Variants in PDE1C observed in about 807,000 individuals in gnomAD.
PDE1C encodes the protein phosphodiesterase 1C.
In PDE1C, 62 loss-of-function variants were observed where a neutral mutation model predicts 93.1. The ratio of observed to expected loss-of-function variants is 0.67; its 90% confidence interval spans 0.54 to 0.82. The LOEUF is 0.82. PDE1C is among the 40% of genes least tolerant of loss of function. PDE1C has a pLI of 0.00. For synonymous variants in PDE1C, 325 were observed against 310.1 expected (o/e 1.05, Z -0.50); for missense variants, 742 against 884.6 (o/e 0.84, Z 2.04).
At chr7:32,222,600 G>A (rs1029947638) in intron 1 of PDE1C, among the ~76,000 whole-genome samples, 1 of 152,176 alleles carries the variant, frequency 6.6e-6, no homozygotes, top group African/African-American at 2.4e-5. Context: ...CAATTTGGGG[G>A]TTACAAACTG....
intron 2 of PDE1C, among the ~76,000 whole-genome samples, chr7:31,890,188 C>G (rs6955375): frequency 0.052 from 7,865 of 152,178 alleles, 330 homozygotes; most frequent in African/African-American, 0.12. Context: ...CCAGGCCATG[C>G]TGGGGACTGG....
At chr7:32,276,382 A>G (rs1319894439) in intron 1 of PDE1C, among the ~76,000 whole-genome samples, 1 of 152,236 alleles carries the variant, frequency 6.6e-6, no homozygotes, top group African/African-American at 2.4e-5. Flanking sequence ...CAAGGAAGAA[A>G]AAAACGTTTA....
the PDE1C span, chr7:31,651,307 C>T: frequency 1.2e-6 from 2 of 1,603,510 alleles, no homozygotes; most frequent in South Asian, 1.1e-5. Flanking sequence ...AAGTACCAGC[C>T]CACACACCTG....
chr7:31,789,958 C>A, intron 16 of PDE1C: 2 of 1,217,246 alleles, frequency 1.6e-6, no homozygotes, highest in Non-Finnish European at 2.0e-6. Context: ...GAGGATGCCC[C>A]TTCATGTTTT....
chr7:31,723,153 T>C, the PDE1C span, among the ~76,000 whole-genome samples: 1 of 152,198 alleles, frequency 6.6e-6, no homozygotes, highest in African/African-American at 2.4e-5. Context: ...CAATTTCCTT[T>C]CTATGATGCT....
At chr7:32,202,792 C>A (rs144448281) in intron 2 of PDE1C, among the ~76,000 whole-genome samples, 21 of 152,150 alleles carry the variant, frequency 1.4e-4, no homozygotes, top group African/African-American at 4.8e-4. Flanking sequence ...GTCTTGTGTT[C>A]TTTTGTGTTG....
intron 2 of PDE1C, among the ~76,000 whole-genome samples, chr7:32,184,365 T>G (rs555568117): frequency 2.5e-3 from 384 of 152,196 alleles, no homozygotes; most frequent in African/African-American, 9.1e-3. Context: ...GTTTATTGCA[T>G]CACTATTCAC....
chr7:32,154,830 C>T (rs1801470484), intron 3 of PDE1C, among the ~76,000 whole-genome samples: 1 of 152,210 alleles, frequency 6.6e-6, no homozygotes, highest in Admixed American at 6.5e-5. Flanking sequence ...TCTTCGGAGG[C>T]AAATGTGTGG....
chr7:31,790,474 AT>A (rs1784458545), intron 16 of PDE1C, among the ~76,000 whole-genome samples: 1 of 152,158 alleles, frequency 6.6e-6, no homozygotes. Flanking sequence ...ATATCAGTAC[AT>A]TTGAAATCTT....
chr7:31,755,177 G>A (rs1401477475), intron 17 of PDE1C, among the ~76,000 whole-genome samples: 5 of 152,206 alleles, frequency 3.3e-5, no homozygotes, highest in African/African-American at 9.7e-5. Context: ...CGTAAACAGA[G>A]GGTGGATGGT....
chr7:31,730,628 C>T, the PDE1C span, among the ~76,000 whole-genome samples: 3 of 152,202 alleles, frequency 2.0e-5, no homozygotes, highest in African/African-American at 7.2e-5. Flanking sequence ...GTGAATCCTA[C>T]TCTGTGCCAA....
intron 2 of PDE1C, among the ~76,000 whole-genome samples, chr7:32,181,256 A>T (rs1323410937): frequency 2.6e-5 from 4 of 152,184 alleles, no homozygotes; most frequent in Admixed American, 2.0e-4. Context: ...GAAAGTTAAC[A>T]AGGATATCCA....
chr7:32,300,020 T>C (rs1436231791), upstream of PDE1C, among the ~76,000 whole-genome samples: 4 of 152,314 alleles, frequency 2.6e-5, no homozygotes, highest in South Asian at 2.1e-4. Flanking sequence ...AGGTATATTC[T>C]TAATTGATTC....
chr7:31,852,211 T>C (rs1793431317), intron 7 of PDE1C, among the ~76,000 whole-genome samples: 1 of 152,178 alleles, frequency 6.6e-6, no homozygotes, highest in Non-Finnish European at 1.5e-5. Flanking sequence ...ATAGAACTTA[T>C]GAAAAATACT....
chr7:31,837,842 C>T, intron 10 of PDE1C, 28 bp downstream of exon 10: 1 of 1,541,502 alleles, frequency 6.5e-7, no homozygotes, highest in East Asian at 2.2e-5. Flanking sequence ...CCTATACAAA[C>T]AAAAACACAA....
intron 1 of PDE1C, among the ~76,000 whole-genome samples, chr7:32,252,811 C>T (rs888339680): frequency 6.6e-6 from 1 of 152,206 alleles, no homozygotes; most frequent in Admixed American, 6.5e-5. Context: ...AAAAGACATA[C>T]AAAATATGAG....
chr7:31,843,119 A>G (rs1263904115), intron 9 of PDE1C, among the ~76,000 whole-genome samples: 1 of 151,986 alleles, frequency 6.6e-6, no homozygotes, highest in Non-Finnish European at 1.5e-5. Flanking sequence ...TTTTAAAATT[A>G]TTAAAACTTA....
intron 2 of PDE1C, among the ~76,000 whole-genome samples, chr7:31,911,534 AC>A (rs2128938831): frequency 6.6e-6 from 1 of 152,272 alleles, no homozygotes; most frequent in African/African-American, 2.4e-5. Context: ...AGAAGGTAGC[AC>A]CTGTTACTAA....
At chr7:31,893,982 A>G (rs957133480) in intron 2 of PDE1C, among the ~76,000 whole-genome samples, 3 of 152,192 alleles carry the variant, frequency 2.0e-5, no homozygotes, top group African/African-American at 4.8e-5. Flanking sequence ...TTGAACCTAC[A>G]TGGTGTCATA....
Sources: allele counts gnomAD v4.1 joint callset (sites outside exome capture counted in the v4.1 genomes callset), GRCh38; gene constraint gnomAD v4.1.1; transcripts MANE v1.5; gene names NCBI Gene and HGNC (gene_info 2026-07-23, HGNC 2026-07-21).